Variants in CTNNA3 observed in about 807,000 individuals in gnomAD.
CTNNA3 encodes the protein catenin alpha 3.
Under a neutral mutation model 95.7 loss-of-function variants are expected in CTNNA3, and 76 were observed. The observed-to-expected ratio is 0.79, with a 90% CI of 0.66 to 0.96. The LOEUF is 0.96. Among genes scored for constraint, CTNNA3 ranks in the 40% least tolerant of loss-of-function variants. The pLI, the probability that CTNNA3 is intolerant of heterozygous loss-of-function variation, is 0.00. For synonymous variants in CTNNA3, 431 were observed against 374.4 expected (o/e 1.15, Z -1.74); for missense variants, 1,191 against 1,089.8 (o/e 1.09, Z -1.31).
intron 14 of CTNNA3, among the ~76,000 whole-genome samples, chr10:66,098,350 C>T (rs2081485067): frequency 6.6e-6 from 1 of 152,112 alleles, no homozygotes; most frequent in Admixed American, 6.6e-5. Context: ...GATTTGGTCC[C>T]AGTTAATATG....
At chr10:66,964,987 G>A (rs1445325986) in intron 7 of CTNNA3, among the ~76,000 whole-genome samples, 2 of 152,170 alleles carry the variant, frequency 1.3e-5, no homozygotes, top group Non-Finnish European at 1.5e-5. Context: ...AAAATAAGAT[G>A]AATTCTGCAA....
intron 10 of CTNNA3, among the ~76,000 whole-genome samples, chr10:66,614,193 C>A (rs1446205642): frequency 6.6e-6 from 1 of 151,976 alleles, no homozygotes; most frequent in Non-Finnish European, 1.5e-5. Flanking sequence ...CTTCAACAGA[C>A]AAAGTGTCAT....
intron 14 of CTNNA3, among the ~76,000 whole-genome samples, chr10:66,089,901 C>A (rs2081148468): frequency 6.6e-6 from 1 of 151,914 alleles, no homozygotes; most frequent in Non-Finnish European, 1.5e-5. Context: ...GCGAGTTCTG[C>A]ATATTTTTAG....
intron 7 of CTNNA3, among the ~76,000 whole-genome samples, chr10:67,141,327 A>G (rs1294898041): frequency 6.6e-6 from 1 of 152,036 alleles, no homozygotes; most frequent in Non-Finnish European, 1.5e-5. Context: ...AGCAAGTGCT[A>G]TATAACAACA....
chr10:66,637,644 T>C (rs189407485), intron 9 of CTNNA3, among the ~76,000 whole-genome samples: 1 of 152,338 alleles, frequency 6.6e-6, no homozygotes, highest in Non-Finnish European at 1.5e-5. Flanking sequence ...ACAGGTTGCT[T>C]CCTTCCCCAG....
At chr10:66,936,319 T>TA (rs769018840) in intron 7 of CTNNA3, among the ~76,000 whole-genome samples, 2,787 of 150,016 alleles carry the variant, frequency 0.019, 55 homozygotes, top group African/African-American at 0.045. Context: ...TTCTTAATGT[T>TA]AAAAAAAAAA....
intron 13 of CTNNA3, among the ~76,000 whole-genome samples, chr10:66,157,155 C>T (rs561992582): frequency 9.9e-5 from 15 of 151,922 alleles, no homozygotes; most frequent in African/African-American, 2.9e-4. Flanking sequence ...AAGTAGTATA[C>T]GCTGCACCTT....
chr10:66,677,038 A>G (rs12243484), intron 9 of CTNNA3, among the ~76,000 whole-genome samples: 84,150 of 151,886 alleles, frequency 0.55, 24,057 homozygotes, highest in African/African-American at 0.68. Context: ...AAATACATTA[A>G]TTTAGTTGAA....
intron 7 of CTNNA3, among the ~76,000 whole-genome samples, chr10:66,850,478 G>A (rs1038819108): frequency 1.3e-5 from 2 of 152,014 alleles, no homozygotes; most frequent in African/African-American, 4.8e-5. Context: ...AGGGCAAAAA[G>A]CTTTGCTATT....
chr10:65,945,620 G>T (rs944148962), intron 17 of CTNNA3, among the ~76,000 whole-genome samples: 4 of 152,114 alleles, frequency 2.6e-5, no homozygotes, highest in Non-Finnish European at 5.9e-5. Flanking sequence ...GCTGAGTGTT[G>T]GGCATGCCAG....
chr10:67,264,711 A>G (rs927450630), intron 5 of CTNNA3, among the ~76,000 whole-genome samples: 2 of 152,164 alleles, frequency 1.3e-5, no homozygotes, highest in African/African-American at 4.8e-5. Flanking sequence ...TATAGATACC[A>G]TAACTTCCTA....
intron 5 of CTNNA3, among the ~76,000 whole-genome samples, chr10:67,369,187 G>A (rs533134473): frequency 3.3e-5 from 5 of 152,160 alleles, no homozygotes; most frequent in African/African-American, 1.2e-4. Context: ...GCTGTAAGAT[G>A]AATAGGAAGA....
intron 7 of CTNNA3, among the ~76,000 whole-genome samples, chr10:66,884,028 AG>A (rs1844943994): frequency 1.3e-5 from 2 of 152,074 alleles, no homozygotes. Flanking sequence ...CAGAAGGTGA[AG>A]GGGAGCTTGC....
intron 9 of CTNNA3, among the ~76,000 whole-genome samples, chr10:66,684,334 A>G (rs16923401): frequency 0.023 from 3,520 of 152,262 alleles, 183 homozygotes; most frequent in East Asian, 0.22. Flanking sequence ...GCTTGAGAAT[A>G]CACGTGCTAA....
chr10:67,017,414 A>G (rs1032812344), intron 7 of CTNNA3, among the ~76,000 whole-genome samples: 5 of 152,194 alleles, frequency 3.3e-5, no homozygotes, highest in African/African-American at 4.8e-5. Flanking sequence ...AGAAGAACAG[A>G]GTTGATTATG....
chr10:67,229,673 G>A (rs936662426), intron 5 of CTNNA3, among the ~76,000 whole-genome samples: 4 of 152,120 alleles, frequency 2.6e-5, no homozygotes, highest in Non-Finnish European at 5.9e-5. Context: ...TACACCAACA[G>A]TGACCAAGTG....
At chr10:65,985,896 A>C (rs2078418349) in intron 16 of CTNNA3, among the ~76,000 whole-genome samples, 1 of 151,594 alleles carries the variant, frequency 6.6e-6, no homozygotes, top group African/African-American at 2.4e-5. Context: ...TGTTACAAAC[A>C]ATCCAGTTAT....
intron 12 of CTNNA3, among the ~76,000 whole-genome samples, chr10:66,352,243 T>C (rs189467819): frequency 2.6e-5 from 4 of 152,222 alleles, no homozygotes; most frequent in Non-Finnish European, 4.4e-5. Context: ...ACATGGGCTC[T>C]TTGGGGCTAC....
intron 17 of CTNNA3, among the ~76,000 whole-genome samples, chr10:65,949,613 A>G (rs182699031): frequency 6.6e-6 from 1 of 152,286 alleles, no homozygotes; most frequent in East Asian, 1.9e-4. Context: ...CTAATAAGAA[A>G]ATTATTAATC....
Sources: allele counts gnomAD v4.1 joint callset (sites outside exome capture counted in the v4.1 genomes callset), GRCh38; gene constraint gnomAD v4.1.1; transcripts MANE v1.5; gene names NCBI Gene and HGNC (gene_info 2026-07-23, HGNC 2026-07-21).